SLC22A16: variants seen among roughly 807,000 people sequenced by gnomAD.
SLC22A16 encodes WUGSC:RG331P03.1.
Under a neutral mutation model 52.9 loss-of-function variants are expected in SLC22A16, and 53 were observed. The observed-to-expected ratio is 1.00, with a 90% CI of 0.80 to 1.26. The LOEUF is 1.26. Ranked by LOEUF, SLC22A16 falls within the 50% of genes most tolerant of loss-of-function variation. SLC22A16 has a pLI of 0.00. For synonymous variants in SLC22A16, 291 were observed against 268.8 expected, an observed-to-expected ratio of 1.08 and a Z score of -0.81; for missense variants, 726 against 704.0, an observed-to-expected ratio of 1.03 and a Z score of -0.35.
At chr6:110,448,846 C>T (rs1232066825) in intron 2 of SLC22A16, among the ~76,000 whole-genome samples, 1 of 152,190 alleles carries the variant, frequency 6.6e-6, no homozygotes, top group Non-Finnish European at 1.5e-5. Context: ...GACACATGCC[C>T]CTTTCTCTCC....
In SLC22A16 at chr6:110,424,738, T is replaced by C; in HGVS notation, c.*135A>G. Reference sequence around the variant, plus strand: ...AGTTTTTATTTCTTTTATAACATATTTGCTTTAAAATTTTCTTACAAAATT... The same window carrying C: ...AGTTTTTATTTCTTTTATAACATATCTGCTTTAAAATTTTCTTACAAAATT... On this transcript the variant is annotated 3_prime_UTR_variant, in exon 8 of 8. Coordinates refer to ENST00000368919, the MANE Select transcript of SLC22A16 (RefSeq NM_033125.4). 2 of 1,033,854 alleles carry C rather than the reference T, an allele frequency of 1.9e-6. No homozygotes were observed. The highest frequency in any genetic ancestry group is 2.8e-6 in the Non-Finnish European group (2 of 724,758). The allele number at this position is 1,033,854 out of a possible 1,614,324, so 64.0% of individuals were successfully genotyped here.
At position 110,438,721 on chromosome 6, in the gene SLC22A16, T is replaced by A. The variant is rs183827596; in HGVS notation, c.1310A>T (p.Gln437Leu). 272 of 1,611,762 alleles carry A rather than the reference T, an allele frequency of 1.7e-4. 1 individual carries two copies. In the East Asian group the frequency reaches 3.5e-3, roughly 21 times the overall value. ...LACGVVMVIP[Q>L]KHYILGVVTA... ...TATAAAAAACAGAAGATAACTCACC[T>A]GGGGGATCACCATAACGACACCACA... Residue 437 changes from glutamine to leucine, a missense_variant and splice_region_variant, in exon 5 of 8, where the codon CAG (glutamine) becomes CTG (leucine). Gln to Leu is a moderately radical substitution (Grantham distance 113). Coordinates refer to ENST00000368919, the MANE Select transcript of SLC22A16 (RefSeq NM_033125.4).
chr6:110,426,496 C>G (rs528766629), intron 7 of SLC22A16, among the ~76,000 whole-genome samples: 4 of 152,252 alleles, frequency 2.6e-5, no homozygotes, highest in Non-Finnish European at 5.9e-5. Flanking sequence ...CCACCCCTCC[C>G]TCCTCCTGGA....
chr6:110,433,129 G>T (rs1281361420), intron 6 of SLC22A16, among the ~76,000 whole-genome samples: 1 of 152,206 alleles, frequency 6.6e-6, no homozygotes, highest in African/African-American at 2.4e-5. Flanking sequence ...ACCTAGAGGG[G>T]AAGTATGGAG....
chr6:110,434,220 C>G (rs932667075), intron 6 of SLC22A16, among the ~76,000 whole-genome samples: 1 of 152,118 alleles, frequency 6.6e-6, no homozygotes, highest in Non-Finnish European at 1.5e-5. Context: ...GCCTGGGCAA[C>G]AGAGTGAGAC....
intron 1 of SLC22A16, among the ~76,000 whole-genome samples, chr6:110,473,564 G>C (rs759892835): frequency 8.5e-6 from 1 of 117,508 alleles, no homozygotes; most frequent in Admixed American, 1.1e-4. Flanking sequence ...TCGTTCTGTC[G>C]CCCGGGCTGG....
rs946426836 is a variant in SLC22A16 at position 110,431,030 on chromosome 6, G to C, written c.1521+141C>G. The C allele has an allele frequency of 2.1e-5, 14 of 663,914 alleles. No homozygotes were observed. In the African/African-American group the frequency reaches 2.5e-4, roughly 12 times the overall value. The allele number at this position is 663,914 out of a possible 1,614,324, so 41.1% of individuals were successfully genotyped here. A position where few individuals can be genotyped will look rare whatever the true frequency, so the allele number is the denominator to read the frequency against. On this transcript the variant is annotated intron_variant, in intron 7 of 7. Transcript: ENST00000368919. ...CACCCTACTCACCAACTGGCCAGCT[G>C]TTGGTAATGGGGTTGTTTCTACAAA... is the stretch of plus-strand genomic sequence containing the variant.
intron 1 of SLC22A16, among the ~76,000 whole-genome samples, chr6:110,459,751 T>C (rs1775798879): frequency 6.6e-6 from 1 of 152,194 alleles, no homozygotes; most frequent in Admixed American, 6.5e-5. Context: ...CTCTGTACTA[T>C]CTGTGTAACT....
At chr6:110,468,694 A>T (rs1450819857) in intron 1 of SLC22A16, among the ~76,000 whole-genome samples, 2 of 151,842 alleles carry the variant, frequency 1.3e-5, no homozygotes, top group Non-Finnish European at 2.9e-5. Flanking sequence ...GAAGAAAAAG[A>T]AAAAAAGAAA....
chr6:110,428,956 A>G (rs562276651), intron 7 of SLC22A16, among the ~76,000 whole-genome samples: 18 of 152,288 alleles, frequency 1.2e-4, no homozygotes, highest in Non-Finnish European at 2.4e-4. Flanking sequence ...TTGTTTAAAT[A>G]TCTGTTAAAT....
intron 1 of SLC22A16, chr6:110,474,828 G>C: frequency 2.1e-6 from 1 of 468,640 alleles, no homozygotes; most frequent in South Asian, 1.6e-5. Flanking sequence ...ACTTCCATTT[G>C]AGGAATCTGT....
chr6:110,471,684 G>A (rs1199816255), intron 1 of SLC22A16, among the ~76,000 whole-genome samples: 1 of 152,228 alleles, frequency 6.6e-6, no homozygotes, highest in East Asian at 1.9e-4. Context: ...ACAGTAGTGA[G>A]CTTGGGGGAC....
intron 1 of SLC22A16, among the ~76,000 whole-genome samples, chr6:110,467,738 T>G (rs551371278): frequency 2.6e-5 from 4 of 152,228 alleles, no homozygotes; most frequent in Non-Finnish European, 5.9e-5. Flanking sequence ...AAAGTGAACA[T>G]GTATACACAC....
chr6:110,460,012 GA>G (rs1333215938), intron 1 of SLC22A16, among the ~76,000 whole-genome samples: 2 of 152,188 alleles, frequency 1.3e-5, no homozygotes, highest in Non-Finnish European at 2.9e-5. Context: ...TATTTAGATT[GA>G]AAACAGAATC....
intron 1 of SLC22A16, among the ~76,000 whole-genome samples, chr6:110,469,204 A>G (rs994440520): frequency 2.0e-5 from 3 of 152,128 alleles, no homozygotes; most frequent in Non-Finnish European, 4.4e-5. Flanking sequence ...GTGGCAGCTT[A>G]TTCAGCATTG....
At chr6:110,468,815 A>G (rs1316143678) in intron 1 of SLC22A16, among the ~76,000 whole-genome samples, 1 of 152,160 alleles carries the variant, frequency 6.6e-6, no homozygotes, top group Non-Finnish European at 1.5e-5. Flanking sequence ...CTTGGCTTGA[A>G]GATGAGTGGT....
intron 2 of SLC22A16, chr6:110,455,692 C>T (rs1027065371): frequency 1.3e-5 from 2 of 152,048 alleles, no homozygotes; most frequent in Non-Finnish European, 2.9e-5. Flanking sequence ...TGATAGTATT[C>T]CCTCCAAAAT....
At chr6:110,456,253 A>G in intron 2 of SLC22A16, 1 of 356,280 alleles carries the variant, frequency 2.8e-6, no homozygotes. Context: ...ATTATTTTTT[A>G]TCACCAGCCT....
At chr6:110,461,589 G>GT (rs1168934472) in intron 1 of SLC22A16, among the ~76,000 whole-genome samples, 2 of 152,134 alleles carry the variant, frequency 1.3e-5, no homozygotes, top group African/African-American at 4.8e-5. Context: ...CAGTGCTAGT[G>GT]TATGAGATAA....
Sources: gnomAD v4.1 joint callset for allele counts (sites outside exome capture counted in the v4.1 genomes callset) on GRCh38, gnomAD v4.1.1 for gene constraint, MANE v1.5 for transcripts, NCBI Gene and HGNC (gene_info 2026-07-23, HGNC 2026-07-21) for gene names.